The following FUBP1 variants were observed in gnomAD, a reference collection of about 807,000 sequenced individuals.
FUBP1 encodes far upstream element binding protein 1, also known as far upstream element-binding protein 1.
In FUBP1, 16 loss-of-function variants were observed where a neutral mutation model predicts 94.9. That is an observed-to-expected ratio of 0.17 (90% confidence interval 0.11 to 0.26). The LOEUF (loss-of-function observed/expected upper bound fraction) is 0.26. Ranked by LOEUF, FUBP1 falls within the 10% of genes least tolerant of loss-of-function variation. The pLI is 1.00. For missense variants in FUBP1, 583 were observed against 808.6 expected (o/e 0.72, Z 3.38); for synonymous variants, 279 against 254.9 (o/e 1.09, Z -0.90).
intron 18 of FUBP1, among the ~76,000 whole-genome samples, chr1:77,954,341 A>G (rs927420740): frequency 6.6e-6 from 1 of 152,210 alleles, no homozygotes; most frequent in Non-Finnish European, 1.5e-5. Flanking sequence ...GCTACTGTAG[A>G]TCTGCCTAAG....
chr1:77,966,266 G>A lies in FUBP1; in HGVS notation c.473+428C>T, dbSNP rs566012971. Reference sequence around the variant, plus strand: ...AGTAAATAAGCTTAAGTGGGAGAGCGTGGGGTTAGATGCTGAAGATTTGGA... The same window carrying A: ...AGTAAATAAGCTTAAGTGGGAGAGCATGGGGTTAGATGCTGAAGATTTGGA... On this transcript the variant is annotated intron_variant, in intron 7 of 19. Coordinates refer to ENST00000370768, the MANE Select transcript of FUBP1 (RefSeq NM_003902.5). Among the ~76,000 whole-genome samples the A allele has an allele frequency of 7.9e-4, 121 of 152,306 alleles. 2 individuals are homozygous for A. In the Middle Eastern group the frequency reaches 0.027, roughly 34 times the overall value.
At chr1:77,969,855 G>A in intron 2 of FUBP1, 70 bp downstream of exon 2, 1 of 687,134 alleles carries the variant, frequency 1.5e-6, no homozygotes, top group East Asian at 2.8e-5. Flanking sequence ...TAAAATAACA[G>A]AAAAATACCG....
intron 13 of FUBP1, 41 bp downstream of exon 13, chr1:77,963,533 T>C: frequency 3.3e-6 from 4 of 1,201,796 alleles, no homozygotes; most frequent in Non-Finnish European, 4.8e-6. Context: ...TCCAGAAAAA[T>C]GAATAATGTG....
intron 14 of FUBP1, among the ~76,000 whole-genome samples, chr1:77,961,355 T>C (rs578123510): frequency 6.6e-6 from 1 of 152,362 alleles, no homozygotes; most frequent in African/African-American, 2.4e-5. Flanking sequence ...TAAAGTTCTT[T>C]TTATTAACTT....
rs763578541 is a variant in FUBP1 at position 77,960,340 on chromosome 1, T to A, written c.1496+4A>T. On this transcript the variant is annotated splice_donor_region_variant and intron_variant, in intron 15 of 19. Transcript: ENST00000370768. The stretch of plus-strand genomic sequence containing the variant: ...GAAAGCCCAGAACTAAACCCAATAC[T>A]TACTGAGGAGCCGGGCCTGGTGGTC... The A allele has an allele frequency of 6.2e-6, 10 of 1,611,516 alleles. No individual in the cohort carries two copies. Among genetic ancestry groups the A allele is most frequent in the Non-Finnish European group, 5.1e-6 (6 of 1,179,490 alleles).
chr1:77,960,580 A>G, intron 14 of FUBP1, 85 bp from the exon 15 acceptor site: 3 of 1,129,278 alleles, frequency 2.7e-6, no homozygotes, highest in Non-Finnish European at 3.7e-6. Context: ...ATCCATTTCT[A>G]CCCTCTTATA....
At chr1:77,969,803 C>G in intron 2 of FUBP1, 122 bp downstream of exon 2, 1 of 472,716 alleles carries the variant, frequency 2.1e-6, no homozygotes, top group Non-Finnish European at 3.8e-6. Flanking sequence ...CAATATACAG[C>G]TTACAATTTT....
Position 77,969,626 on chromosome 1 carries a change from ATAT to A in FUBP1, c.211+296_211+298del, listed in dbSNP as rs532640271. On this transcript the variant is annotated intron_variant, in intron 2 of 19. Transcript: ENST00000370768. ...TTCTAAGCAATTTATATGTTTTTTAATATTATTAACAAGACGTCTGTGCAAACT... is the reference window on the plus strand; with the variant it reads ...TTCTAAGCAATTTATATGTTTTTTAATATTAACAAGACGTCTGTGCAAACT... 5.2e-4 allele frequency among the ~76,000 whole-genome samples: 79 copies of A among 152,240 alleles called. No individual in the cohort carries two copies. In the South Asian group the frequency reaches 0.016, roughly 30 times the overall value.
At chr1:77,970,187 G>C (rs900152922) in intron 1 of FUBP1, among the ~76,000 whole-genome samples, 172 bp from the exon 2 acceptor site, 1 of 152,058 alleles carries the variant, frequency 6.6e-6, no homozygotes, top group Non-Finnish European at 1.5e-5. Flanking sequence ...TAATACTTCA[G>C]GCAGTTAACA....
chr1:77,962,507 T>C (rs1228955080), intron 14 of FUBP1, among the ~76,000 whole-genome samples: 1 of 152,156 alleles, frequency 6.6e-6, no homozygotes, highest in Non-Finnish European at 1.5e-5. Context: ...CCAACACTAA[T>C]ATCATGCCTA....
chr1:77,964,045 T>C lies in FUBP1; in HGVS notation c.1041+17A>G. 7.1e-7 allele frequency: 1 copy of C among 1,414,674 alleles called. No individual in the cohort carries two copies. The allele number at this position is 1,414,674 out of a possible 1,614,324, so 87.6% of individuals were successfully genotyped here. A position where few individuals can be genotyped will look rare whatever the true frequency, so the allele number is the denominator to read the frequency against. On this transcript the variant is annotated intron_variant, in intron 12 of 19. Coordinates refer to ENST00000370768, the MANE Select transcript of FUBP1 (RefSeq NM_003902.5). The stretch of plus-strand genomic sequence containing the variant: ...TCCATAAAAACAAAAAATGAAAATG[T>C]TAACTTTCTATCAAACCTGAACACT...
intron 14 of FUBP1, 180 bp from the exon 15 acceptor site, chr1:77,960,675 G>C (rs1456702732): frequency 3.6e-5 from 18 of 497,264 alleles, no homozygotes; most frequent in Admixed American, 8.0e-5. Context: ...AATGAGACAT[G>C]TAAAATTCAC....
rs747311369 is a variant in FUBP1, at chr1:77,956,612, G to A, written c.1665C>T (p.Ala555=). 6.8e-6 allele frequency: 11 copies of A among 1,609,808 alleles called. No homozygotes were observed. Among genetic ancestry groups the A allele is most frequent in the Non-Finnish European group, 9.4e-6 (11 of 1,176,162 alleles). Reference sequence around the variant, plus strand: ...GAGTTGTAGTTGGTGCACCTGCAGGGGCTGCTGGTGGTGGCTGTGCTTGCT... The same window carrying A: ...GAGTTGTAGTTGGTGCACCTGCAGGAGCTGCTGGTGGTGGCTGTGCTTGCT... The part of the protein sequence containing the change: ...YQQQAQPPPA[A]PAGAPTTTQT... The change falls in exon 17 of 20, where the codon GCC becomes GCT. Residue 555 remains alanine, a synonymous_variant. Transcript: ENST00000370768.
chr1:77,949,091 CA>C, intron 19 of FUBP1, 63 bp downstream of exon 19: 4 of 1,447,492 alleles, frequency 2.8e-6, no homozygotes, highest in Non-Finnish European at 3.9e-6. Flanking sequence ...CCCAAACAGA[CA>C]AACAGTAAAC....
intron 10 of FUBP1, 90 bp downstream of exon 10, chr1:77,964,556 C>T (rs1045571683): frequency 1.3e-6 from 1 of 790,970 alleles, no homozygotes; most frequent in Non-Finnish European, 2.2e-6. Flanking sequence ...AAAAGGATAA[C>T]AATGTTAGAG....
In FUBP1 at chr1:77,946,469, C is replaced by T. The variant is rs779993858; in HGVS notation, c.*2297G>A. The stretch of plus-strand genomic sequence containing the variant: ...TTTGAATACACAACCACAAAAACCT[C>T]ACAGGGACAACATTAATGTATTGAA... On this transcript the variant is annotated 3_prime_UTR_variant, in exon 20 of 20. Coordinates refer to ENST00000370768, the MANE Select transcript of FUBP1 (RefSeq NM_003902.5). 9.9e-6 allele frequency: 2 copies of T among 202,774 alleles called. No individual in the cohort carries two copies. Among genetic ancestry groups the T allele is most frequent in the Non-Finnish European group, 2.0e-5 (2 of 98,440 alleles). The allele number at this position is 202,774 out of a possible 1,614,324, so 12.6% of individuals were successfully genotyped here.
chr1:77,974,199 G>A (rs1658157371), intron 1 of FUBP1, among the ~76,000 whole-genome samples: 1 of 149,214 alleles, frequency 6.7e-6, no homozygotes, highest in African/African-American at 2.5e-5. Flanking sequence ...GCAGTGGCGC[G>A]ATCTCGGTTC....
chr1:77,977,223 C>A (rs998547830), intron 1 of FUBP1, among the ~76,000 whole-genome samples: 8 of 152,004 alleles, frequency 5.3e-5, no homozygotes, highest in African/African-American at 1.7e-4. Context: ...CGAAAAAAAA[C>A]AAGGCCGGGC....
At position 77,946,101 on chromosome 1, in the gene FUBP1, T is replaced by A. The variant is rs564024242; in HGVS notation, c.*2665A>T. Among the ~76,000 whole-genome samples, 50 of 152,040 alleles carry A rather than the reference T, an allele frequency of 3.3e-4. No individual in the cohort carries two copies. Among genetic ancestry groups the A allele is most frequent in the African/African-American group, 1.1e-3 (45 of 41,558 alleles). ...GAATAAGAAAAAAATAAAGAAATTA[T>A]AATTTTGGAGGGCAAAGAAATTTTC... On this transcript the variant is annotated 3_prime_UTR_variant, in exon 20 of 20. Transcript: ENST00000370768.
Sources: allele counts gnomAD v4.1 joint callset (sites outside exome capture counted in the v4.1 genomes callset), GRCh38; gene constraint gnomAD v4.1.1; transcripts MANE v1.5; gene names NCBI Gene and HGNC (gene_info 2026-07-23, HGNC 2026-07-21).